The following DDX60 variants were observed in gnomAD, a reference collection of about 807,000 sequenced individuals.
DDX60 encodes the protein DExD/H-box helicase 60.
Under a neutral mutation model 212.8 loss-of-function variants are expected in DDX60, and 165 were observed. That is an observed-to-expected ratio of 0.78 (90% confidence interval 0.68 to 0.88). The LOEUF is 0.88. Ranked by LOEUF, DDX60 falls within the 40% of genes least tolerant of loss-of-function variation. The probability of loss-of-function intolerance (pLI) is 0.00; values close to 1 mark genes in which losing one functional copy is unlikely to be tolerated. For synonymous variants in DDX60, 703 were observed against 685.3 expected (o/e 1.03, Z -0.40); for missense variants, 1,905 against 2,003.9 (o/e 0.95, Z 0.94).
rs149656452 is a variant in DDX60, at chr4:168,229,492, T to G, written c.4534-3816A>C. 3.2e-4 allele frequency among the ~76,000 whole-genome samples: 49 copies of G among 152,088 alleles called. No individual in the cohort carries two copies. In the East Asian group the frequency reaches 7.9e-3, roughly 25 times the overall value. ...AACAATTTCAACCAAACACAAAGTTTCCTGGACAGAACCTGGGGCAGGGGG... is the reference window on the plus strand; with the variant it reads ...AACAATTTCAACCAAACACAAAGTTGCCTGGACAGAACCTGGGGCAGGGGG... On this transcript the variant is annotated intron_variant, in intron 33 of 37. Transcript: ENST00000393743.
chr4:168,280,059 A>C (rs565088015), intron 14 of DDX60, among the ~76,000 whole-genome samples: 1 of 152,244 alleles, frequency 6.6e-6, no homozygotes, highest in East Asian at 1.9e-4. Context: ...CAAGAGCAGG[A>C]GTTCAAAGAA....
chr4:168,282,388 C>G (rs550727576), intron 13 of DDX60, among the ~76,000 whole-genome samples: 21 of 152,238 alleles, frequency 1.4e-4, no homozygotes, highest in African/African-American at 4.8e-4. Flanking sequence ...GAAGGCTTGA[C>G]AAAGAGATGC....
chr4:168,240,021 G>C (rs1004183674), intron 30 of DDX60, among the ~76,000 whole-genome samples: 6 of 152,180 alleles, frequency 3.9e-5, no homozygotes, highest in African/African-American at 1.2e-4. Context: ...AAGAGGAAGA[G>C]AGGAACTCAA....
At chr4:168,306,964 T>C (rs1173207141) in intron 4 of DDX60, among the ~76,000 whole-genome samples, 1 of 152,212 alleles carries the variant, frequency 6.6e-6, no homozygotes, top group African/African-American at 2.4e-5. Flanking sequence ...CTTATCATGC[T>C]TACCCTTCCC....
At chr4:168,219,695 C>A (rs578032980) in intron 37 of DDX60, among the ~76,000 whole-genome samples, 57 of 152,100 alleles carry the variant, frequency 3.7e-4, no homozygotes, top group Non-Finnish European at 7.5e-4. Context: ...TAGGACGAAG[C>A]AACACCTATA....
chr4:168,286,553 C>T (rs993311808), intron 10 of DDX60, among the ~76,000 whole-genome samples: 1 of 151,936 alleles, frequency 6.6e-6, no homozygotes, highest in African/African-American at 2.4e-5. Context: ...CATTGCTCTG[C>T]CTGGGATCCT....
chr4:168,234,334 T>C (rs1269925401), intron 33 of DDX60, among the ~76,000 whole-genome samples: 1 of 152,058 alleles, frequency 6.6e-6, no homozygotes, highest in East Asian at 1.9e-4. Flanking sequence ...GGGACTCCCA[T>C]TATATATACA....
intron 33 of DDX60, among the ~76,000 whole-genome samples, chr4:168,235,791 C>T (rs1448324300): frequency 6.6e-6 from 1 of 151,930 alleles, no homozygotes; most frequent in African/African-American, 2.4e-5. Flanking sequence ...ATTTTGGTCT[C>T]TGTGAGTCAA....
Position 168,311,615 on chromosome 4 carries a change from G to C in DDX60, c.-106-250C>G, listed in dbSNP as rs750815495. The stretch of plus-strand genomic sequence containing the variant: ...AAATAATGCTTGAGCTGAGTTCTAA[G>C]AAATAAACAATAATTAATTAGGCAA... On this transcript the variant is annotated intron_variant, in intron 1 of 37. Transcript: ENST00000393743. 7.2e-5 allele frequency among the ~76,000 whole-genome samples: 11 copies of C among 152,102 alleles called. 1 individual carries two copies. Among genetic ancestry groups the C allele is most frequent in the Non-Finnish European group, 1.6e-4 (11 of 67,992 alleles).
At chr4:168,304,828 A>G (rs1194996001) in intron 5 of DDX60, among the ~76,000 whole-genome samples, 1 of 150,090 alleles carries the variant, frequency 6.7e-6, no homozygotes, top group Non-Finnish European at 1.5e-5. Context: ...AAGGTATTAA[A>G]TAAAAAAGTA....
chr4:168,297,594 C>T (rs1736461099), intron 6 of DDX60, among the ~76,000 whole-genome samples: 1 of 151,988 alleles, frequency 6.6e-6, no homozygotes, highest in Non-Finnish European at 1.5e-5. Context: ...AAATGAAAGA[C>T]AGAAAAATAT....
At position 168,248,093 on chromosome 4, in the gene DDX60, T is replaced by C. The variant is rs1365890652; in HGVS notation, c.3963+95A>G. 4 of 752,838 alleles carry C rather than the reference T, an allele frequency of 5.3e-6. No individual in the cohort carries two copies. The East Asian group carries it at 9.0e-5, about 17-fold the overall frequency. The allele number at this position is 752,838 out of a possible 1,614,324, so 46.6% of individuals were successfully genotyped here. On this transcript the variant is annotated intron_variant, in intron 29 of 37. Transcript: ENST00000393743. ...GAATGTCCAGTTATGCTACTGTGAATTGTGGCATGTTTGTAAACTAAAGGT... is the reference window on the plus strand; with the variant it reads ...GAATGTCCAGTTATGCTACTGTGAACTGTGGCATGTTTGTAAACTAAAGGT...
intron 6 of DDX60, among the ~76,000 whole-genome samples, chr4:168,297,312 A>C (rs1421710233): frequency 2.5e-5 from 1 of 40,196 alleles, no homozygotes; most frequent in Admixed American, 2.1e-4. Flanking sequence ...GAAAGAAAGA[A>C]AGAAAGAAAG....
At chr4:168,274,830 T>C (rs950663566) in intron 16 of DDX60, among the ~76,000 whole-genome samples, 6 of 152,218 alleles carry the variant, frequency 3.9e-5, no homozygotes, top group Non-Finnish European at 7.3e-5. Context: ...TAGGCAAACA[T>C]GTTCAATTTA....
chr4:168,268,353 A>G (rs950587290), intron 20 of DDX60, among the ~76,000 whole-genome samples: 1 of 152,180 alleles, frequency 6.6e-6, no homozygotes, highest in African/African-American at 2.4e-5. Flanking sequence ...GAGGTATTAT[A>G]GGATTGTTAT....
chr4:168,231,737 A>G (rs1733462351), intron 33 of DDX60, among the ~76,000 whole-genome samples: 1 of 152,112 alleles, frequency 6.6e-6, no homozygotes, highest in South Asian at 2.1e-4. Context: ...GCCATCTAAG[A>G]CAATCCCACA....
At chr4:168,281,781 G>C (rs1405835127) in intron 13 of DDX60, among the ~76,000 whole-genome samples, 1 of 152,138 alleles carries the variant, frequency 6.6e-6, no homozygotes, top group Non-Finnish European at 1.5e-5. Context: ...GTCAAGTTTA[G>C]TTGTCATCAC....
intron 13 of DDX60, among the ~76,000 whole-genome samples, chr4:168,281,991 T>G (rs1242521490): frequency 6.6e-6 from 1 of 152,202 alleles, no homozygotes; most frequent in Non-Finnish European, 1.5e-5. Context: ...AATTTACCAT[T>G]TCATAACATC....
At position 168,293,977 on chromosome 4, in the gene DDX60, C is replaced by T. The variant is rs765654312; in HGVS notation, c.724-32G>A. 8 of 1,583,800 alleles carry T rather than the reference C, an allele frequency of 5.1e-6. No homozygotes were observed. The East Asian group carries it at 9.0e-5, about 18-fold the overall frequency. Reference sequence around the variant, plus strand: ...AAGAAAAAAATTGTAATGTGTCATGCTATTTAGAAAAATATTTTTATTTGT... The same window carrying T: ...AAGAAAAAAATTGTAATGTGTCATGTTATTTAGAAAAATATTTTTATTTGT... On this transcript the variant is annotated intron_variant, in intron 6 of 37. Coordinates refer to ENST00000393743, the MANE Select transcript of DDX60 (RefSeq NM_017631.6).
Sources: allele counts gnomAD v4.1 joint callset (sites outside exome capture counted in the v4.1 genomes callset), GRCh38; gene constraint gnomAD v4.1.1; transcripts MANE v1.5; gene names NCBI Gene and HGNC (gene_info 2026-07-23, HGNC 2026-07-21).